The following CACNG2 variants were observed in gnomAD, a reference collection of about 807,000 sequenced individuals.
CACNG2 encodes calcium voltage-gated channel auxiliary subunit gamma 2, also known as voltage-dependent calcium channel gamma-2 subunit.
CACNG2 carries 3 observed loss-of-function variants against 25.9 expected under a neutral mutation model. The ratio of observed to expected loss-of-function variants is 0.12; its 90% confidence interval spans 0.05 to 0.30. CACNG2 has a LOEUF of 0.30. CACNG2 is among the 10% of genes least tolerant of loss of function. The probability of loss-of-function intolerance (pLI) is 1.00; values close to 1 mark genes in which losing one functional copy is unlikely to be tolerated. For synonymous variants in CACNG2, 167 were observed against 173.3 expected, an observed-to-expected ratio of 0.96 and a Z score of 0.29; for missense variants, 341 against 432.5, an observed-to-expected ratio of 0.79 and a Z score of 1.88.
chr22:36,589,025 C>G (rs1935548336), intron 1 of CACNG2, among the ~76,000 whole-genome samples: 2 of 142,838 alleles, frequency 1.4e-5, no homozygotes, highest in South Asian at 4.3e-4. Context: ...GAGTCTCACT[C>G]TGTCACCCAG....
intron 1 of CACNG2, among the ~76,000 whole-genome samples, chr22:36,635,356 A>G (rs1394235284): frequency 6.6e-6 from 1 of 152,124 alleles, no homozygotes; most frequent in African/African-American, 2.4e-5. Context: ...ATGAACATAT[A>G]TATTTATTCT....
intron 1 of CACNG2, among the ~76,000 whole-genome samples, chr22:36,697,154 T>G (rs574039940): frequency 6.6e-6 from 1 of 152,324 alleles, no homozygotes; most frequent in African/African-American, 2.4e-5. Flanking sequence ...AGAAATTGAC[T>G]GCTGCATTTC....
intron 1 of CACNG2, among the ~76,000 whole-genome samples, chr22:36,600,334 C>T (rs1444031126): frequency 1.3e-5 from 2 of 151,992 alleles, no homozygotes; most frequent in African/African-American, 4.8e-5. Flanking sequence ...ACTGTGACCT[C>T]GAACTCTTGG....
At chr22:36,625,017 A>G (rs1471035737) in intron 1 of CACNG2, among the ~76,000 whole-genome samples, 1 of 149,200 alleles carries the variant, frequency 6.7e-6, no homozygotes, top group Non-Finnish European at 1.5e-5. Flanking sequence ...ACAGAGTGAG[A>G]CTCTGTCTCA....
intron 1 of CACNG2, among the ~76,000 whole-genome samples, chr22:36,634,889 G>T (rs1429275761): frequency 6.6e-6 from 1 of 152,228 alleles, no homozygotes; most frequent in Non-Finnish European, 1.5e-5. Context: ...TTAACCATGA[G>T]AATTCAGAGG....
intron 3 of CACNG2, 119 bp from the exon 4 acceptor site, chr22:36,565,005 G>C (rs1603500174): frequency 2.3e-6 from 2 of 854,278 alleles, no homozygotes; most frequent in Non-Finnish European, 3.9e-6. Flanking sequence ...CCCCGGTCCC[G>C]CGCCTTCATG....
chr22:36,569,251 T>G (rs1338395633), intron 2 of CACNG2, among the ~76,000 whole-genome samples: 1 of 152,006 alleles, frequency 6.6e-6, no homozygotes, highest in East Asian at 1.9e-4. Context: ...GCAGGGTGTG[T>G]TTTTTTGCCC....
chr22:36,682,941 A>C (rs1191270784), intron 1 of CACNG2, among the ~76,000 whole-genome samples: 1 of 151,860 alleles, frequency 6.6e-6, no homozygotes, highest in Non-Finnish European at 1.5e-5. Flanking sequence ...TTTTTCTCTC[A>C]GGCCATCTGT....
intron 1 of CACNG2, among the ~76,000 whole-genome samples, chr22:36,687,532 G>T (rs965254047): frequency 6.6e-6 from 1 of 152,164 alleles, no homozygotes; most frequent in Non-Finnish European, 1.5e-5. Context: ...TGAGCTTGTG[G>T]CATTAGGGGA....
intron 1 of CACNG2, among the ~76,000 whole-genome samples, chr22:36,699,458 T>A (rs765850565): frequency 2.2e-4 from 33 of 151,962 alleles, no homozygotes; most frequent in Non-Finnish European, 2.9e-4. Context: ...CTTATTTTCA[T>A]CAAGAGGTGA....
At chr22:36,590,274 C>T (rs6000337) in intron 1 of CACNG2, among the ~76,000 whole-genome samples, 8,990 of 152,220 alleles carry the variant, frequency 0.059, 889 homozygotes, top group African/African-American at 0.2. Flanking sequence ...AGAGGCCGTG[C>T]GAGATAATCA....
intron 1 of CACNG2, among the ~76,000 whole-genome samples, chr22:36,670,645 G>GTTTTGTTTTGT (rs1936936636): frequency 6.6e-6 from 1 of 150,478 alleles, no homozygotes; most frequent in Non-Finnish European, 1.5e-5. Flanking sequence ...GTTTTGTTTT[G>GTTTTGTTTTGT]TTTTTTGAGA....
intron 1 of CACNG2, among the ~76,000 whole-genome samples, chr22:36,631,677 C>T (rs1394634991): frequency 1.3e-5 from 2 of 152,082 alleles, no homozygotes; most frequent in East Asian, 3.9e-4. Flanking sequence ...TCACTCTCAG[C>T]CTCAGGATAG....
intron 1 of CACNG2, among the ~76,000 whole-genome samples, chr22:36,605,080 TA>T (rs1174552923): frequency 6.6e-6 from 1 of 152,106 alleles, no homozygotes; most frequent in Non-Finnish European, 1.5e-5. Context: ...TGGCCCAACA[TA>T]ACTTTTTTTT....
intron 2 of CACNG2, among the ~76,000 whole-genome samples, chr22:36,575,502 G>A (rs9619618): frequency 0.22 from 32,888 of 151,144 alleles, 3,743 homozygotes; most frequent in Admixed American, 0.29. Context: ...GTCTGGCAGC[G>A]GAGGAGGGTG....
At chr22:36,680,553 C>G (rs532773572) in intron 1 of CACNG2, among the ~76,000 whole-genome samples, 1 of 147,884 alleles carries the variant, frequency 6.8e-6, no homozygotes, top group Non-Finnish European at 1.5e-5. Context: ...GTTACAATTA[C>G]TACCACCACC....
intron 1 of CACNG2, among the ~76,000 whole-genome samples, chr22:36,673,096 C>T (rs1018029393): frequency 6.6e-6 from 1 of 152,146 alleles, no homozygotes; most frequent in African/African-American, 2.4e-5. Flanking sequence ...CATGGTGGTG[C>T]ATGCCTGTAG....
intron 1 of CACNG2, among the ~76,000 whole-genome samples, chr22:36,679,803 GA>G (rs1181738240): frequency 6.6e-6 from 1 of 152,060 alleles, no homozygotes; most frequent in African/African-American, 2.4e-5. Context: ...TTGTTGTTTT[GA>G]AAAATTCAGA....
At chr22:36,613,105 G>A (rs1218821099) in intron 1 of CACNG2, among the ~76,000 whole-genome samples, 1 of 151,854 alleles carries the variant, frequency 6.6e-6, no homozygotes, top group Non-Finnish European at 1.5e-5. Context: ...AAACTCTAAT[G>A]TGGGAATATA....
Sources: allele counts gnomAD v4.1 joint callset (sites outside exome capture counted in the v4.1 genomes callset), GRCh38; gene constraint gnomAD v4.1.1; transcripts MANE v1.5; gene names NCBI Gene and HGNC (gene_info 2026-07-23, HGNC 2026-07-21).